Variants in ARHGAP26 observed in about 807,000 individuals in gnomAD.
The protein encoded by ARHGAP26 is Rho GTPase activating protein 26, also known as rho GTPase-activating protein 26.
ARHGAP26 carries 38 observed loss-of-function variants against 104.8 expected under a neutral mutation model. That is an observed-to-expected ratio of 0.36 (90% confidence interval 0.28 to 0.48). ARHGAP26 has a LOEUF of 0.48. Among genes scored for constraint, ARHGAP26 ranks in the 20% least tolerant of loss-of-function variants. The pLI is 0.99. For synonymous variants in ARHGAP26, 341 were observed against 340.0 expected (o/e 1.00, Z -0.03); for missense variants, 704 against 947.9 (o/e 0.74, Z 3.38).
At chr5:142,837,209 G>C (rs1488396819) in intron 1 of ARHGAP26, among the ~76,000 whole-genome samples, 2 of 152,126 alleles carry the variant, frequency 1.3e-5, no homozygotes, top group Non-Finnish European at 2.9e-5. Context: ...AAGTTACTTG[G>C]CAAGAGAAAA....
Position 143,196,140 on chromosome 5 carries a change from C to T in ARHGAP26, c.1989-11058C>T, listed in dbSNP as rs550475466. Among the ~76,000 whole-genome samples, 8 of 151,922 alleles carry T rather than the reference C, an allele frequency of 5.3e-5. No individual in the cohort carries two copies. The South Asian group carries it at 1.2e-3, about 24-fold the overall frequency. ...AACAAATTATTATTTAGCAAACACC[C>T]CCTAAATAATACTAAATTATTATTT... On this transcript the variant is annotated intron_variant, in intron 20 of 22. Coordinates refer to ENST00000645722, the MANE Select transcript of ARHGAP26 (RefSeq NM_001135608.3).
chr5:143,221,765 C>T (rs569511091), intron 22 of ARHGAP26, among the ~76,000 whole-genome samples: 2 of 152,304 alleles, frequency 1.3e-5, no homozygotes, highest in South Asian at 2.1e-4. Flanking sequence ...TAAAGCAATT[C>T]ACCTGCCTCA....
chr5:142,873,768 T>C (rs1755672580), intron 2 of ARHGAP26, among the ~76,000 whole-genome samples: 1 of 152,120 alleles, frequency 6.6e-6, no homozygotes, highest in African/African-American at 2.4e-5. Flanking sequence ...TTAGTATTTT[T>C]CCGGCTGGTG....
At chr5:143,108,046 G>T (rs937458720) in intron 17 of ARHGAP26, among the ~76,000 whole-genome samples, 1 of 152,168 alleles carries the variant, frequency 6.6e-6, no homozygotes, top group African/African-American at 2.4e-5. Context: ...CTGTTATTTT[G>T]TATGGATGAA....
In ARHGAP26 at chr5:143,143,118, A is replaced by G. The variant is rs142158861; in HGVS notation, c.1838-4113A>G. 5.5e-4 allele frequency among the ~76,000 whole-genome samples: 83 copies of G among 152,146 alleles called. 2 individuals are homozygous for G. The East Asian group carries it at 0.014, about 26-fold the overall frequency. ...TGCCCTCTACTCTTAGGCACCATGG[A>G]AAGTTGGGATATTAGCCTGTATTCT... On this transcript the variant is annotated intron_variant, in intron 19 of 22. Transcript: ENST00000645722.
At chr5:142,872,986 G>C (rs191503410) in intron 1 of ARHGAP26, among the ~76,000 whole-genome samples, 8 of 152,290 alleles carry the variant, frequency 5.3e-5, no homozygotes, top group Admixed American at 3.9e-4. Context: ...GGAAATTACT[G>C]TTGAGTCAGA....
At chr5:142,934,172 C>G (rs1382064571) in intron 11 of ARHGAP26, among the ~76,000 whole-genome samples, 1 of 152,154 alleles carries the variant, frequency 6.6e-6, no homozygotes, top group East Asian at 1.9e-4. Flanking sequence ...TCTCCCCATC[C>G]TCTCTCCCCA....
At chr5:142,917,826 G>A (rs959858500) in intron 10 of ARHGAP26, among the ~76,000 whole-genome samples, 2 of 151,948 alleles carry the variant, frequency 1.3e-5, no homozygotes, top group African/African-American at 4.8e-5. Context: ...CACTGTCACT[G>A]TCCCTAGCTC....
At chr5:143,116,329 T>C (rs1795435680) in intron 17 of ARHGAP26, among the ~76,000 whole-genome samples, 1 of 152,200 alleles carries the variant, frequency 6.6e-6, no homozygotes, top group Non-Finnish European at 1.5e-5. Flanking sequence ...GAGCTGTTGC[T>C]CCACCCATCC....
chr5:143,164,476 T>C (rs954633465), intron 20 of ARHGAP26, among the ~76,000 whole-genome samples: 1 of 152,246 alleles, frequency 6.6e-6, no homozygotes, highest in Non-Finnish European at 1.5e-5. Flanking sequence ...TTAGGTTAGA[T>C]GCCCACAAGC....
At chr5:142,805,076 CT>C (rs796954045) in intron 1 of ARHGAP26, among the ~76,000 whole-genome samples, 59 of 147,282 alleles carry the variant, frequency 4.0e-4, no homozygotes, top group African/African-American at 1.4e-3. Context: ...ACCACATTTT[CT>C]TTTTCTTTTT....
intron 6 of ARHGAP26, among the ~76,000 whole-genome samples, chr5:142,900,978 T>G (rs1456215349): frequency 6.6e-6 from 1 of 152,132 alleles, no homozygotes; most frequent in Non-Finnish European, 1.5e-5. Flanking sequence ...TTCCTAAATC[T>G]CGTTCGGGCT....
chr5:142,845,019 TCTC>T (rs919978899), intron 1 of ARHGAP26, among the ~76,000 whole-genome samples: 3 of 152,096 alleles, frequency 2.0e-5, no homozygotes, highest in East Asian at 1.9e-4. Flanking sequence ...CTTTTCGTCT[TCTC>T]CTCCGTTCGC....
intron 1 of ARHGAP26, among the ~76,000 whole-genome samples, chr5:142,830,365 G>A (rs1768154276): frequency 6.6e-6 from 1 of 152,184 alleles, no homozygotes; most frequent in Non-Finnish European, 1.5e-5. Flanking sequence ...CTATGGCAAT[G>A]ATTAAAAATT....
At position 143,223,862 on chromosome 5, in the gene ARHGAP26, GTAC is replaced by G. The variant is rs1197430547; in HGVS notation, c.*1420_*1422del. 4.3e-6 allele frequency: 1 copy of G among 231,596 alleles called. No individual in the cohort carries two copies. Among genetic ancestry groups the G allele is most frequent in the East Asian group, 6.1e-5 (1 of 16,286 alleles). The allele number at this position is 231,596 out of a possible 1,614,324, so 14.3% of individuals were successfully genotyped here. On this transcript the variant is annotated 3_prime_UTR_variant, in exon 23 of 23. Coordinates refer to ENST00000645722, the MANE Select transcript of ARHGAP26 (RefSeq NM_001135608.3). Reference sequence around the variant, plus strand: ...GTGGAAGACTGTCTTGGATGGGGAAGTACTACCTGGAGATTTCAAATTCACTTG... The same window carrying G: ...GTGGAAGACTGTCTTGGATGGGGAAGTACCTGGAGATTTCAAATTCACTTG...
chr5:142,984,594 G>A (rs1774402874), intron 11 of ARHGAP26, among the ~76,000 whole-genome samples: 1 of 152,128 alleles, frequency 6.6e-6, no homozygotes, highest in African/African-American at 2.4e-5. Context: ...GTAATGCATA[G>A]AAGTAGATTT....
At chr5:143,021,085 A>G (rs1048524261) in intron 12 of ARHGAP26, among the ~76,000 whole-genome samples, 1 of 152,278 alleles carries the variant, frequency 6.6e-6, no homozygotes, top group African/African-American at 2.4e-5. Flanking sequence ...GTAGAATATT[A>G]CAGAAATACA....
At chr5:143,146,752 T>A (rs1261460314) in intron 19 of ARHGAP26, among the ~76,000 whole-genome samples, 1 of 152,200 alleles carries the variant, frequency 6.6e-6, no homozygotes, top group African/African-American at 2.4e-5. Flanking sequence ...AAATAGTAGA[T>A]CTTCTCTGGT....
intron 11 of ARHGAP26, among the ~76,000 whole-genome samples, chr5:142,960,006 C>T (rs1436474981): frequency 6.6e-6 from 1 of 152,200 alleles, no homozygotes; most frequent in African/African-American, 2.4e-5. Flanking sequence ...ATAGAAATGG[C>T]CTCTAGGCAG....
Sources: allele counts gnomAD v4.1 joint callset (sites outside exome capture counted in the v4.1 genomes callset), GRCh38; gene constraint gnomAD v4.1.1; transcripts MANE v1.5; gene names NCBI Gene and HGNC (gene_info 2026-07-23, HGNC 2026-07-21).